RNLS: variants seen among roughly 807,000 people sequenced by gnomAD.
RNLS encodes renalase, FAD dependent amine oxidase.
A neutral mutation model predicts 39.8 loss-of-function variants in RNLS; 39 were observed. The observed-to-expected ratio is 0.98, with a 90% CI of 0.76 to 1.28. The LOEUF is 1.28. Among genes scored for constraint, RNLS ranks in the 50% most tolerant of loss-of-function variants. The pLI is 0.00. For synonymous variants in RNLS, 147 were observed against 150.7 expected, an observed-to-expected ratio of 0.98 and a Z score of 0.18; for missense variants, 410 against 413.3, an observed-to-expected ratio of 0.99 and a Z score of 0.07.
intron 4 of RNLS, among the ~76,000 whole-genome samples, chr10:88,432,656 T>C (rs1378598684): frequency 2.0e-5 from 3 of 152,020 alleles, no homozygotes; most frequent in South Asian, 4.1e-4. Context: ...TTTTAGTGAA[T>C]GTAAAGCATT....
At chr10:88,262,188 G>A in the RNLS span, among the ~76,000 whole-genome samples, 1 of 152,064 alleles carries the variant, frequency 6.6e-6, no homozygotes, top group Non-Finnish European at 1.5e-5. Context: ...CCATAGACAG[G>A]AATTTTTTTT....
At chr10:88,503,816 G>A (rs1325364511) in intron 4 of RNLS, among the ~76,000 whole-genome samples, 2 of 152,134 alleles carry the variant, frequency 1.3e-5, no homozygotes, top group Non-Finnish European at 2.9e-5. Flanking sequence ...CTCACTTCTA[G>A]TTTATAAAAT....
intron 5 of RNLS, among the ~76,000 whole-genome samples, chr10:88,348,109 C>T (rs1848434120): frequency 6.6e-6 from 1 of 152,126 alleles, no homozygotes; most frequent in Admixed American, 6.6e-5. Context: ...TCTGTCTTTA[C>T]ATTGGCCATC....
At chr10:88,384,289 A>G (rs1168925659) in intron 4 of RNLS, among the ~76,000 whole-genome samples, 1 of 152,170 alleles carries the variant, frequency 6.6e-6, no homozygotes, top group African/African-American at 2.4e-5. Context: ...ACTATGTGCA[A>G]AGCTGTTTAA....
At chr10:88,204,003 C>T in the RNLS span, among the ~76,000 whole-genome samples, 10 of 152,048 alleles carry the variant, frequency 6.6e-5, no homozygotes, top group South Asian at 2.1e-4. Context: ...ATGTTCACCA[C>T]GGATACTTTA....
At chr10:88,347,608 C>A (rs970863137) in intron 5 of RNLS, among the ~76,000 whole-genome samples, 1 of 151,654 alleles carries the variant, frequency 6.6e-6, no homozygotes, top group African/African-American at 2.4e-5. Context: ...AAACACCAAC[C>A]CCCCCCAATA....
chr10:88,448,987 C>T (rs10887822), intron 4 of RNLS, among the ~76,000 whole-genome samples: 24,182 of 152,046 alleles, frequency 0.16, 2,190 homozygotes, highest in Admixed American at 0.26. Flanking sequence ...CATCACACAC[C>T]GGGGCCTGTT....
the RNLS span, among the ~76,000 whole-genome samples, chr10:88,183,929 C>G: frequency 1.9e-4 from 29 of 152,228 alleles, no homozygotes; most frequent in African/African-American, 6.7e-4. Flanking sequence ...TTTCACTGCT[C>G]TATGGGACAG....
At chr10:88,189,662 A>C in the RNLS span, among the ~76,000 whole-genome samples, 1 of 152,246 alleles carries the variant, frequency 6.6e-6, no homozygotes, top group East Asian at 1.9e-4. Flanking sequence ...TGCAATAGGC[A>C]GTCAATAAGT....
At chr10:88,344,242 G>A (rs780421025) in intron 5 of RNLS, among the ~76,000 whole-genome samples, 24 of 152,132 alleles carry the variant, frequency 1.6e-4, no homozygotes, top group Non-Finnish European at 2.8e-4. Flanking sequence ...TCAGGGCTGG[G>A]GGATTTGACC....
chr10:88,374,374 A>G (rs1228058855), intron 4 of RNLS, among the ~76,000 whole-genome samples: 1 of 152,152 alleles, frequency 6.6e-6, no homozygotes, highest in Non-Finnish European at 1.5e-5. Context: ...TAGTTAGTAT[A>G]TAATTTAATG....
chr10:88,290,189 C>T (rs2132874630), intron 6 of RNLS, among the ~76,000 whole-genome samples: 1 of 152,286 alleles, frequency 6.6e-6, no homozygotes, highest in South Asian at 2.1e-4. Context: ...CATATCTATG[C>T]TAAAGCTACA....
At chr10:88,424,800 T>C (rs1854631586) in intron 4 of RNLS, among the ~76,000 whole-genome samples, 1 of 152,114 alleles carries the variant, frequency 6.6e-6, no homozygotes, top group Non-Finnish European at 1.5e-5. Context: ...ACCCGAGCTG[T>C]TGAGCACTGG....
chr10:88,436,265 G>C (rs1841404640), intron 4 of RNLS, among the ~76,000 whole-genome samples: 1 of 152,128 alleles, frequency 6.6e-6, no homozygotes, highest in Admixed American at 6.6e-5. Context: ...TGAGACCCAG[G>C]GGCTGGATGG....
chr10:88,532,523 C>T (rs1847490764), intron 4 of RNLS, among the ~76,000 whole-genome samples: 1 of 151,998 alleles, frequency 6.6e-6, no homozygotes, highest in Non-Finnish European at 1.5e-5. Flanking sequence ...TTAGCAAACA[C>T]TTATTAACCT....
chr10:88,189,190 G>A, the RNLS span, among the ~76,000 whole-genome samples: 9 of 152,146 alleles, frequency 5.9e-5, no homozygotes, highest in African/African-American at 2.2e-4. Context: ...GGGTATGTAT[G>A]CATAGATAGA....
chr10:88,554,967 C>T (rs1215217122), intron 4 of RNLS, among the ~76,000 whole-genome samples: 4 of 152,180 alleles, frequency 2.6e-5, no homozygotes, highest in South Asian at 2.1e-4. Flanking sequence ...TTGTCTATTC[C>T]GTGCCATTCT....
At chr10:88,275,568 CAGT>C (rs1430799524) in intron 6 of RNLS, among the ~76,000 whole-genome samples, 1 of 151,906 alleles carries the variant, frequency 6.6e-6, no homozygotes, top group Non-Finnish European at 1.5e-5. Flanking sequence ...GAAGAGTGTA[CAGT>C]AGTAAAAATC....
At chr10:88,518,950 G>C (rs1846554550) in intron 4 of RNLS, among the ~76,000 whole-genome samples, 1 of 151,980 alleles carries the variant, frequency 6.6e-6, no homozygotes, top group African/African-American at 2.4e-5. Flanking sequence ...TCTAAAGAAA[G>C]AAAAGATAGT....
Sources: allele counts gnomAD v4.1 joint callset (sites outside exome capture counted in the v4.1 genomes callset), GRCh38; gene constraint gnomAD v4.1.1; transcripts MANE v1.5; gene names NCBI Gene and HGNC (gene_info 2026-07-23, HGNC 2026-07-21).